Variants in SNAP91 observed in about 807,000 individuals in gnomAD.
SNAP91 encodes synaptosome associated protein 91, also known as clathrin coat assembly protein AP180.
SNAP91 carries 27 observed loss-of-function variants against 100.3 expected under a neutral mutation model. The ratio of observed to expected loss-of-function variants is 0.27; its 90% confidence interval spans 0.20 to 0.37. The LOEUF is 0.37. SNAP91 is among the 10% of genes least tolerant of loss of function. The probability of loss-of-function intolerance (pLI) is 1.00; values close to 1 mark genes in which losing one functional copy is unlikely to be tolerated. For missense variants in SNAP91, 986 were observed against 1,123.7 expected, an observed-to-expected ratio of 0.88 and a Z score of 1.75; for synonymous variants, 404 against 398.6, an observed-to-expected ratio of 1.01 and a Z score of -0.16.
intron 24 of SNAP91, 43 bp from the exon 25 acceptor site, chr6:83,576,096 C>T: frequency 9.9e-7 from 1 of 1,011,484 alleles, no homozygotes; most frequent in Non-Finnish European, 1.5e-6. Context: ...TCTCTACACT[C>T]AGTTTATATG....
intron 23 of SNAP91, among the ~76,000 whole-genome samples, chr6:83,580,962 A>T (rs1392503644): frequency 6.6e-6 from 1 of 152,214 alleles, no homozygotes; most frequent in Non-Finnish European, 1.5e-5. Context: ...TGACCAATAC[A>T]TGGCTTTGTT....
intron 11 of SNAP91, among the ~76,000 whole-genome samples, chr6:83,611,894 TG>T (rs2096127450): frequency 6.1e-5 from 5 of 82,120 alleles, no homozygotes; most frequent in Admixed American, 1.2e-4. Flanking sequence ...TTTTTTTTTT[TG>T]GATTTTTAGT....
chr6:83,557,338 T>G (rs184280180), intron 28 of SNAP91, among the ~76,000 whole-genome samples: 133 of 152,200 alleles, frequency 8.7e-4, no homozygotes, highest in African/African-American at 3.2e-3. Context: ...TACTGACTAA[T>G]TATATTATCT....
In SNAP91 at chr6:83,683,460, A is replaced by G. The variant is rs141062293; in HGVS notation, c.131-17879T>C. Among the ~76,000 whole-genome samples the G allele has an allele frequency of 3.8e-4, 58 of 152,136 alleles. No individual in the cohort carries two copies. The East Asian group carries it at 0.011, about 28-fold the overall frequency. On this transcript the variant is annotated intron_variant, in intron 2 of 29. Transcript: ENST00000369694. ...TCTCTATTAGTTAATGGGAGATCTG[A>G]TTGTTAAAAAGAGCCTGGCATCTCC...
At chr6:83,648,753 T>C (rs1246778264) in intron 7 of SNAP91, among the ~76,000 whole-genome samples, 2 of 142,138 alleles carry the variant, frequency 1.4e-5, no homozygotes, top group Non-Finnish European at 3.2e-5. Context: ...AGCCATTTTA[T>C]ATCTTCTTTT....
chr6:83,607,108 G>T (rs549813703), intron 13 of SNAP91, among the ~76,000 whole-genome samples: 1 of 152,268 alleles, frequency 6.6e-6, no homozygotes, highest in Admixed American at 6.5e-5. Flanking sequence ...CTAAGGAATT[G>T]ACCTAAATTT....
chr6:83,698,671 T>C (rs1474177414), intron 2 of SNAP91, among the ~76,000 whole-genome samples: 1 of 152,212 alleles, frequency 6.6e-6, no homozygotes, highest in Non-Finnish European at 1.5e-5. Flanking sequence ...GGGGCATTTG[T>C]AAGCATAGCT....
intron 5 of SNAP91, among the ~76,000 whole-genome samples, chr6:83,659,728 A>T (rs1361327724): frequency 6.6e-6 from 1 of 151,966 alleles, no homozygotes; most frequent in African/African-American, 2.4e-5. Context: ...CACTTTGCCC[A>T]ATCAAAATAT....
intron 2 of SNAP91, among the ~76,000 whole-genome samples, chr6:83,691,879 T>C (rs986726417): frequency 1.3e-5 from 2 of 152,166 alleles, no homozygotes; most frequent in African/African-American, 4.8e-5. Context: ...AGGAAAGCCA[T>C]AACAGACACT....
At chr6:83,594,787 G>A (rs1386171713) in intron 16 of SNAP91, among the ~76,000 whole-genome samples, 4 of 151,154 alleles carry the variant, frequency 2.6e-5, no homozygotes, top group Non-Finnish European at 5.9e-5. Context: ...AGAAATTAAT[G>A]GATGTAAAAA....
intron 2 of SNAP91, among the ~76,000 whole-genome samples, chr6:83,703,339 T>C (rs1272731523): frequency 3.3e-5 from 5 of 152,128 alleles, no homozygotes; most frequent in African/African-American, 4.8e-5. Context: ...TTTCAGCACT[T>C]ACTGAAAGCC....
At chr6:83,700,330 A>G (rs2099275360) in intron 2 of SNAP91, among the ~76,000 whole-genome samples, 1 of 152,072 alleles carries the variant, frequency 6.6e-6, no homozygotes, top group Non-Finnish European at 1.5e-5. Flanking sequence ...AAAAAGAAGC[A>G]TGGAGAAGAA....
At chr6:83,690,625 TA>T (rs1000021654) in intron 2 of SNAP91, among the ~76,000 whole-genome samples, 6 of 152,222 alleles carry the variant, frequency 3.9e-5, no homozygotes, top group African/African-American at 7.2e-5. Context: ...GAAACAGGAA[TA>T]ATGAATCTTT....
At chr6:83,623,206 A>G in intron 9 of SNAP91, 95 bp downstream of exon 9, 2 of 970,470 alleles carry the variant, frequency 2.1e-6, no homozygotes, top group Middle Eastern at 2.1e-4. Flanking sequence ...TAAGTTCAAA[A>G]TGCATGAAAT....
At chr6:83,565,896 T>C (rs1795868539) in intron 26 of SNAP91, among the ~76,000 whole-genome samples, 1 of 152,200 alleles carries the variant, frequency 6.6e-6, no homozygotes, top group African/African-American at 2.4e-5. Context: ...ATGGAAACGC[T>C]TGGCAGTTCC....
intron 7 of SNAP91, among the ~76,000 whole-genome samples, chr6:83,656,452 A>AT (rs1396713679): frequency 6.6e-6 from 1 of 152,192 alleles, no homozygotes; most frequent in African/African-American, 2.4e-5. Context: ...AGCTTTCATC[A>AT]TAACACGATA....
At chr6:83,671,430 C>T (rs1217017449) in intron 2 of SNAP91, among the ~76,000 whole-genome samples, 1 of 152,078 alleles carries the variant, frequency 6.6e-6, no homozygotes, top group East Asian at 1.9e-4. Context: ...GATCATGTCA[C>T]TTGTGATAAA....
At chr6:83,613,138 G>A (rs2096260998) in intron 11 of SNAP91, among the ~76,000 whole-genome samples, 2 of 152,174 alleles carry the variant, frequency 1.3e-5, no homozygotes, top group South Asian at 4.2e-4. Context: ...GATACTTGCA[G>A]TTATCCCATG....
At chr6:83,640,195 T>G (rs1388961054) in intron 8 of SNAP91, among the ~76,000 whole-genome samples, 1 of 152,154 alleles carries the variant, frequency 6.6e-6, no homozygotes, top group Non-Finnish European at 1.5e-5. Flanking sequence ...CAATTATTAC[T>G]TCTATGAATA....
Sources: allele counts gnomAD v4.1 joint callset (sites outside exome capture counted in the v4.1 genomes callset), GRCh38; gene constraint gnomAD v4.1.1; transcripts MANE v1.5; gene names NCBI Gene and HGNC (gene_info 2026-07-23, HGNC 2026-07-21).